AGXT2: variants seen among roughly 807,000 people sequenced by gnomAD.
The protein encoded by AGXT2 is alanine--glyoxylate aminotransferase 2, also known as alanine--glyoxylate aminotransferase 2, mitochondrial.
Under a neutral mutation model 62.5 loss-of-function variants are expected in AGXT2, and 61 were observed. The ratio of observed to expected loss-of-function variants is 0.98; its 90% CI spans 0.79 to 1.21. The LOEUF is 1.21. Among genes scored for constraint, AGXT2 ranks in the 50% most tolerant of loss-of-function variants. AGXT2 has a pLI of 0.00. For missense variants in AGXT2, 666 were observed against 641.5 expected (o/e 1.04, Z -0.41); for synonymous variants, 243 against 218.7 (o/e 1.11, Z -0.98).
rs561418645 is a variant in AGXT2 at position 35,043,931 on chromosome 5, A to G, written c.89-3268T>C. 1.7e-4 allele frequency among the ~76,000 whole-genome samples: 26 copies of G among 152,296 alleles called. No individual in the cohort carries two copies. In the South Asian group the frequency reaches 5.2e-3, roughly 30 times the overall value. Reference sequence around the variant, plus strand: ...GATCTCAAACTTGTGAGATCAAGCCATCTGTCTGCCTTGGCCTCTGGAAGT... The same window carrying G: ...GATCTCAAACTTGTGAGATCAAGCCGTCTGTCTGCCTTGGCCTCTGGAAGT... On this transcript the variant is annotated intron_variant, in intron 1 of 13. Transcript: ENST00000231420.
rs116493836 is a variant in AGXT2 at position 35,047,295 on chromosome 5, T to C, written c.88+510A>G. 7.0e-3 allele frequency among the ~76,000 whole-genome samples: 1,066 copies of C among 151,934 alleles called. 12 individuals carry two copies. The highest frequency in any genetic ancestry group is 0.025 in the African/African-American group (1,016 of 41,404). On this transcript the variant is annotated intron_variant, in intron 1 of 13. Coordinates refer to ENST00000231420, the MANE Select transcript of AGXT2 (RefSeq NM_031900.4). ...GTCTACAAAAGTTAAAAAAGAAAAATAGCTAGGCATGGTGGCATGTGCCTA... is the reference window on the plus strand; with the variant it reads ...GTCTACAAAAGTTAAAAAAGAAAAACAGCTAGGCATGGTGGCATGTGCCTA...
At chr5:35,016,722 C>A (rs1412276733) in intron 9 of AGXT2, among the ~76,000 whole-genome samples, 4 of 152,154 alleles carry the variant, frequency 2.6e-5, no homozygotes, top group African/African-American at 2.4e-5. Context: ...GACTGTTTTG[C>A]AGCAAGTGGT....
At position 35,025,853 on chromosome 5, in the gene AGXT2, A is replaced by G. The variant is rs1050037729; in HGVS notation, c.873T>C (p.Gly291=). 1.2e-6 allele frequency: 2 copies of G among 1,613,938 alleles called. No homozygotes were observed. Among genetic ancestry groups the G allele is most frequent in the Non-Finnish European group, 1.7e-6 (2 of 1,179,966 alleles). The part of the protein sequence containing the change: ...IAGFFAEPIQ[G]VNGVVQYPKG... The stretch of plus-strand genomic sequence containing the variant: ...TTGGGTACTGGACAACTCCATTCAC[A>G]CCCTGCAAAAGACCAGACCAAGAAG... The change falls in exon 9 of 14, where the codon GGT becomes GGC. Residue 291 remains glycine, a splice_region_variant and synonymous_variant. Transcript: ENST00000231420.
rs759157541 is a variant in AGXT2 at position 35,037,021 on chromosome 5, T to C, written c.407A>G (p.His136Arg). The C allele has an allele frequency of 1.2e-6, 2 of 1,614,246 alleles. No homozygotes were observed. Among genetic ancestry groups the C allele is most frequent in the East Asian group, 2.2e-5 (1 of 44,884 alleles). ...VAQKQLGRLW[H>R]TSTVFFHPPM... ...AGGGTGGAAGAAGACGGTGCTTGTATGCCACAGGCGGCCGAGCTGCTTTTG... is the reference window on the plus strand; with the variant it reads ...AGGGTGGAAGAAGACGGTGCTTGTACGCCACAGGCGGCCGAGCTGCTTTTG... The change falls in exon 4 of 14, where the codon CAT becomes CGT. Residue 136 changes from histidine (H) to arginine (R), a missense_variant. Coordinates refer to ENST00000231420, the MANE Select transcript of AGXT2 (RefSeq NM_031900.4).
intron 9 of AGXT2, among the ~76,000 whole-genome samples, chr5:35,020,047 C>T (rs897316631): frequency 3.9e-5 from 6 of 152,182 alleles, no homozygotes; most frequent in Admixed American, 1.3e-4. Context: ...TCTGAATAGA[C>T]CAATAACAGG....
Position 35,010,199 on chromosome 5 carries a change from T to A in AGXT2, c.1189-50A>T, listed in dbSNP as rs772742650. 5 of 1,610,980 alleles carry A rather than the reference T, an allele frequency of 3.1e-6. No individual in the cohort carries two copies. The East Asian group carries it at 1.1e-4, about 36-fold the overall frequency. Reference sequence around the variant, plus strand: ...TCTTACATGGCAGAAGTTCTAAGATTGACTGAGAATCGTGGAGAAGTCATT... The same window carrying A: ...TCTTACATGGCAGAAGTTCTAAGATAGACTGAGAATCGTGGAGAAGTCATT... On this transcript the variant is annotated intron_variant, in intron 11 of 13. Transcript: ENST00000231420.
chr5:35,034,110 A>T (rs1767680683), intron 5 of AGXT2, among the ~76,000 whole-genome samples: 1 of 152,090 alleles, frequency 6.6e-6, no homozygotes, highest in African/African-American at 2.4e-5. Flanking sequence ...TATCAAAATC[A>T]CCTTTAAACA....
At chr5:35,011,947 C>CAT (rs1293681031) in intron 11 of AGXT2, among the ~76,000 whole-genome samples, 1 of 151,484 alleles carries the variant, frequency 6.6e-6, no homozygotes, top group African/African-American at 2.4e-5. Context: ...CACACACACA[C>CAT]ACACACACAC....
chr5:35,015,399 C>T (rs1404179940), intron 9 of AGXT2, among the ~76,000 whole-genome samples: 4 of 152,212 alleles, frequency 2.6e-5, no homozygotes, highest in African/African-American at 9.6e-5. Flanking sequence ...CACATTTCTG[C>T]CAGAGCCTTT....
chr5:35,024,201 G>A (rs1767235543), intron 9 of AGXT2, among the ~76,000 whole-genome samples: 1 of 152,094 alleles, frequency 6.6e-6, no homozygotes, highest in Non-Finnish European at 1.5e-5. Context: ...CCTAGCTGTA[G>A]GAAATTTTTA....
At chr5:35,013,738 G>A (rs1766732225) in intron 10 of AGXT2, among the ~76,000 whole-genome samples, 1 of 147,374 alleles carries the variant, frequency 6.8e-6, no homozygotes, top group African/African-American at 2.5e-5. Flanking sequence ...AGCCAAGATT[G>A]TGCCACTGCA....
At chr5:35,039,255 A>T in intron 3 of AGXT2, 69 bp downstream of exon 3, 2 of 1,520,220 alleles carry the variant, frequency 1.3e-6, no homozygotes, top group Non-Finnish European at 1.8e-6. Context: ...AAGAGTTCAG[A>T]GTCACTAACA....
chr5:35,017,351 T>A (rs1766880830), intron 9 of AGXT2, among the ~76,000 whole-genome samples: 1 of 152,194 alleles, frequency 6.6e-6, no homozygotes, highest in Admixed American at 6.5e-5. Flanking sequence ...ATGGTTTGGC[T>A]GTGTCCCCAC....
At chr5:35,007,953 TTC>T (rs147431828) in intron 12 of AGXT2, among the ~76,000 whole-genome samples, 6 of 150,284 alleles carry the variant, frequency 4.0e-5, no homozygotes, top group Non-Finnish European at 7.4e-5. Context: ...ATCTCTTGCT[TTC>T]TCTCTCTCTC....
At chr5:35,019,921 A>C (rs367847242) in intron 9 of AGXT2, among the ~76,000 whole-genome samples, 2 of 152,224 alleles carry the variant, frequency 1.3e-5, no homozygotes, top group Non-Finnish European at 2.9e-5. Context: ...AATACAAACT[A>C]CCATCAGAGA....
intron 9 of AGXT2, 99 bp downstream of exon 9, chr5:35,025,664 A>G (rs1561224662): frequency 7.8e-7 from 1 of 1,281,206 alleles, no homozygotes; most frequent in Non-Finnish European, 1.1e-6. Context: ...TTCACAGAGC[A>G]GAGGCTTTCT....
intron 2 of AGXT2, among the ~76,000 whole-genome samples, chr5:35,039,945 T>C (rs344151): frequency 0.055 from 8,444 of 152,258 alleles, 834 homozygotes; most frequent in African/African-American, 0.19. Context: ...CTCTCCTGTA[T>C]TTCTCTTCTT....
In AGXT2 at chr5:35,010,073, C is replaced by T. The variant is rs376158578; in HGVS notation, c.1265G>A (p.Arg422Gln). 5.6e-6 allele frequency: 9 copies of T among 1,614,110 alleles called. No individual in the cohort carries two copies. Among genetic ancestry groups the T allele is most frequent in the African/African-American group, 5.3e-5 (4 of 74,938 alleles). The change falls in exon 12 of 14, where the codon CGG (arginine) becomes CAG (glutamine). Residue 422 changes from arginine to glutamine, a missense_variant. Transcript: ENST00000231420. ...GTCTCCAACAATTTCAAATTCATCC[C>T]GCAGCTTAGCAAACTTTAGTAACAT... ...TYMLLKFAKL[R>Q]DEFEIVGDVR...
intron 9 of AGXT2, among the ~76,000 whole-genome samples, chr5:35,020,380 CA>C (rs1241456408): frequency 1.3e-5 from 2 of 152,186 alleles, no homozygotes; most frequent in South Asian, 2.1e-4. Context: ...CCACCATGAT[CA>C]AGAGGGCTTC....
Sources: allele counts gnomAD v4.1 joint callset (sites outside exome capture counted in the v4.1 genomes callset), GRCh38; gene constraint gnomAD v4.1.1; transcripts MANE v1.5; gene names NCBI Gene and HGNC (gene_info 2026-07-23, HGNC 2026-07-21).